Variants in KCNH7 observed in about 807,000 individuals in gnomAD.
The protein encoded by KCNH7 is voltage-gated inwardly rectifying potassium channel KCNH7.
A neutral mutation model predicts 120.8 loss-of-function variants in KCNH7; 49 were observed. The observed-to-expected ratio is 0.41, with a 90% CI of 0.32 to 0.51. KCNH7 has a LOEUF of 0.51. KCNH7 is among the 20% of genes least tolerant of loss of function. The pLI is 0.38. For missense variants in KCNH7, 1,097 were observed against 1,446.6 expected, an observed-to-expected ratio of 0.76 and a Z score of 3.92; for synonymous variants, 547 against 516.1, an observed-to-expected ratio of 1.06 and a Z score of -0.81.
intron 3 of KCNH7, among the ~76,000 whole-genome samples, chr2:162,523,794 T>C (rs1019494851): frequency 6.6e-6 from 1 of 152,002 alleles, no homozygotes; most frequent in East Asian, 1.9e-4. Flanking sequence ...TCTCCTTCAC[T>C]CAATTTTTCA....
At chr2:162,659,861 T>C (rs1684899365) in intron 2 of KCNH7, among the ~76,000 whole-genome samples, 1 of 152,206 alleles carries the variant, frequency 6.6e-6, no homozygotes, top group African/African-American at 2.4e-5. Context: ...AGAATTGTTA[T>C]AATTTCTTCC....
chr2:162,392,137 G>A (rs1686762800), intron 12 of KCNH7, among the ~76,000 whole-genome samples: 1 of 152,022 alleles, frequency 6.6e-6, no homozygotes, highest in Non-Finnish European at 1.5e-5. Context: ...AGAAGTAAGT[G>A]CTTTGAGAAT....
intron 2 of KCNH7, among the ~76,000 whole-genome samples, chr2:162,634,333 GGTCCTGGT>G (rs1318690364): frequency 1.3e-5 from 2 of 152,162 alleles, no homozygotes; most frequent in East Asian, 3.9e-4. Context: ...AAAGCACGCA[GGTCCTGGT>G]AGAAGGGCAT....
Position 162,537,187 on chromosome 2 carries a change from A to G in KCNH7, c.308-107T>C, listed in dbSNP as rs186892864. 2.0e-3 allele frequency: 1,477 copies of G among 755,130 alleles called. 19 individuals are homozygous for G. In the African/African-American group the frequency reaches 0.022, roughly 11 times the overall value. 46.8% of individuals were successfully genotyped at this position (755,130 alleles called of 1,614,324 possible). ...CTTAAGGAAATTTGTATCTTAAATGATCACTGATATTAAAAAATAATTTGA... is the reference window on the plus strand; with the variant it reads ...CTTAAGGAAATTTGTATCTTAAATGGTCACTGATATTAAAAAATAATTTGA... On this transcript the variant is annotated intron_variant, in intron 2 of 15. Coordinates refer to ENST00000332142, the MANE Select transcript of KCNH7 (RefSeq NM_033272.4).
At chr2:162,664,209 G>T (rs1685061522) in intron 2 of KCNH7, among the ~76,000 whole-genome samples, 1 of 151,866 alleles carries the variant, frequency 6.6e-6, no homozygotes, top group African/African-American at 2.4e-5. Context: ...AAATGTTATT[G>T]ACCCTTTCTC....
intron 9 of KCNH7, among the ~76,000 whole-genome samples, chr2:162,422,631 ATAT>A (rs1457948510): frequency 6.6e-6 from 1 of 152,106 alleles, no homozygotes; most frequent in Admixed American, 6.6e-5. Context: ...GACAACATTA[ATAT>A]TATTAATAGT....
At chr2:162,374,778 A>G (rs1028353360) in intron 14 of KCNH7, among the ~76,000 whole-genome samples, 1 of 152,122 alleles carries the variant, frequency 6.6e-6, no homozygotes, top group Non-Finnish European at 1.5e-5. Flanking sequence ...ATAACACATT[A>G]TTCTTGCAGT....
At chr2:162,373,714 C>A in intron 14 of KCNH7, 52 bp from the exon 15 acceptor site, 1 of 1,292,244 alleles carries the variant, frequency 7.7e-7, no homozygotes, top group Non-Finnish European at 1.0e-6. Flanking sequence ...TCCAGAATTT[C>A]AGGAGCATTT....
At chr2:162,535,267 T>C (rs572337127) in intron 3 of KCNH7, among the ~76,000 whole-genome samples, 1 of 151,856 alleles carries the variant, frequency 6.6e-6, no homozygotes, top group East Asian at 1.9e-4. Context: ...CTATGAGATG[T>C]ACAAGATTGG....
chr2:162,408,594 T>C (rs1172670617), intron 9 of KCNH7, among the ~76,000 whole-genome samples: 2 of 151,948 alleles, frequency 1.3e-5, no homozygotes, highest in African/African-American at 2.4e-5. Context: ...AATCATATCA[T>C]ACATAAAAGA....
intron 2 of KCNH7, among the ~76,000 whole-genome samples, chr2:162,826,848 T>C (rs1559152226): frequency 6.6e-6 from 1 of 152,100 alleles, no homozygotes; most frequent in Non-Finnish European, 1.5e-5. Context: ...ATTTCATAAG[T>C]GTTCCAATAG....
At chr2:162,716,407 T>C (rs1438361471) in intron 2 of KCNH7, among the ~76,000 whole-genome samples, 2 of 152,194 alleles carry the variant, frequency 1.3e-5, no homozygotes, top group Non-Finnish European at 2.9e-5. Context: ...ATTTACTGTT[T>C]TGTCTTCTGT....
intron 2 of KCNH7, among the ~76,000 whole-genome samples, chr2:162,692,213 C>A (rs755080039): frequency 6.7e-6 from 1 of 148,780 alleles, no homozygotes; most frequent in African/African-American, 2.5e-5. Flanking sequence ...GCAACATCCA[C>A]CTCTTGGGTT....
intron 2 of KCNH7, among the ~76,000 whole-genome samples, chr2:162,781,469 T>C (rs1242488868): frequency 6.6e-6 from 1 of 152,092 alleles, no homozygotes; most frequent in African/African-American, 2.4e-5. Flanking sequence ...CAACTTTATT[T>C]ATGCATATTC....
intron 2 of KCNH7, among the ~76,000 whole-genome samples, chr2:162,821,305 C>A (rs1230919438): frequency 6.6e-6 from 1 of 152,202 alleles, no homozygotes; most frequent in Admixed American, 6.5e-5. Context: ...AAGGTTAATT[C>A]TCTTTACTAA....
At chr2:162,530,465 C>CGT (rs1037052339) in intron 3 of KCNH7, among the ~76,000 whole-genome samples, 1 of 149,392 alleles carries the variant, frequency 6.7e-6, no homozygotes, top group African/African-American at 2.5e-5. Flanking sequence ...TGTGCGCGAG[C>CGT]GTGCGCGCAC....
chr2:162,705,596 G>T (rs746537916), intron 2 of KCNH7, among the ~76,000 whole-genome samples: 11 of 152,034 alleles, frequency 7.2e-5, no homozygotes, highest in Non-Finnish European at 1.0e-4. Flanking sequence ...AATGTGTTAA[G>T]CTGGTCTTCA....
intron 6 of KCNH7, among the ~76,000 whole-genome samples, chr2:162,469,593 G>T: frequency 6.6e-6 from 1 of 152,102 alleles, no homozygotes; most frequent in African/African-American, 2.4e-5. Flanking sequence ...ATCAAAGCCC[G>T]GTGGGGTGAG....
At chr2:162,622,637 C>G (rs1683404156) in intron 2 of KCNH7, among the ~76,000 whole-genome samples, 2 of 152,056 alleles carry the variant, frequency 1.3e-5, no homozygotes, top group South Asian at 4.2e-4. Context: ...AAACTTGTGT[C>G]TCTTAATACC....
Sources: gnomAD v4.1 joint callset for allele counts (sites outside exome capture counted in the v4.1 genomes callset) on GRCh38, gnomAD v4.1.1 for gene constraint, MANE v1.5 for transcripts, NCBI Gene and HGNC (gene_info 2026-07-23, HGNC 2026-07-21) for gene names.